TACR1: variants seen among roughly 807,000 people sequenced by gnomAD.
TACR1 encodes the protein tachykinin receptor 1.
A neutral mutation model predicts 35.8 loss-of-function variants in TACR1; 25 were observed. That is an observed-to-expected ratio of 0.70 (90% CI 0.51 to 0.98). The LOEUF (loss-of-function observed/expected upper bound fraction) is 0.98, where lower values mean the gene tolerates loss of function less well. TACR1 is among the 50% of genes least tolerant of loss of function. The pLI is 0.00. For missense variants in TACR1, 478 were observed against 522.9 expected (o/e 0.91, Z 0.84); for synonymous variants, 195 against 206.7 (o/e 0.94, Z 0.48).
intron 1 of TACR1, among the ~76,000 whole-genome samples, chr2:75,174,742 T>A (rs1176097560): frequency 6.6e-6 from 1 of 152,192 alleles, no homozygotes; most frequent in Non-Finnish European, 1.5e-5. Flanking sequence ...GAAAGGAGAA[T>A]CACTTCTATT....
intron 2 of TACR1, among the ~76,000 whole-genome samples, chr2:75,061,872 C>T (rs112668736): frequency 4.6e-5 from 7 of 152,202 alleles, no homozygotes; most frequent in Non-Finnish European, 7.3e-5. Flanking sequence ...CAAATTCTTA[C>T]TGCAGTCTCT....
chr2:75,151,501 C>A (rs1674669247), intron 1 of TACR1, among the ~76,000 whole-genome samples: 1 of 152,192 alleles, frequency 6.6e-6, no homozygotes, highest in South Asian at 2.1e-4. Context: ...GTTGAGCCTG[C>A]AGGTGCACAG....
chr2:75,184,750 T>G (rs899434988), intron 1 of TACR1, among the ~76,000 whole-genome samples: 9 of 151,346 alleles, frequency 5.9e-5, no homozygotes, highest in Non-Finnish European at 1.0e-4. Context: ...TGATATATAT[T>G]AGGTTCTATA....
intron 1 of TACR1, among the ~76,000 whole-genome samples, chr2:75,136,150 C>T (rs1251046090): frequency 6.6e-6 from 1 of 152,190 alleles, no homozygotes; most frequent in African/African-American, 2.4e-5. Flanking sequence ...AACCCAGGCA[C>T]ATCATCTCAC....
chr2:75,140,050 A>G (rs1304721946), intron 1 of TACR1, among the ~76,000 whole-genome samples: 1 of 152,196 alleles, frequency 6.6e-6, no homozygotes, highest in Non-Finnish European at 1.5e-5. Flanking sequence ...AAGCCTCATC[A>G]TATGAAGCAG....
intron 2 of TACR1, among the ~76,000 whole-genome samples, chr2:75,070,055 T>A (rs1040715104): frequency 6.6e-6 from 1 of 152,186 alleles, no homozygotes; most frequent in African/African-American, 2.4e-5. Context: ...CTATTCTATC[T>A]CATTTATTAT....
At position 75,060,849 on chromosome 2, in the gene TACR1, T is replaced by A. The variant is rs114020119; in HGVS notation, c.585-7094A>T. ...TGGATGGATGATATGAGGGGAGAGA[T>A]TCAGGAAGCACTGTGGCTTGGGGGA... On this transcript the variant is annotated intron_variant, in intron 2 of 4. Coordinates refer to ENST00000305249, the MANE Select transcript of TACR1 (RefSeq NM_001058.4). Among the ~76,000 whole-genome samples the A allele has an allele frequency of 7.9e-3, 1,193 of 151,066 alleles. 14 individuals are homozygous for A. Among genetic ancestry groups the A allele is most frequent in the African/African-American group, 0.027 (1,125 of 41,126 alleles).
At chr2:75,068,074 C>G (rs2103809574) in intron 2 of TACR1, among the ~76,000 whole-genome samples, 1 of 152,232 alleles carries the variant, frequency 6.6e-6, no homozygotes, top group East Asian at 1.9e-4. Context: ...AGAAACAGAG[C>G]CAATAGGAGA....
chr2:75,151,089 G>C (rs1394698759), intron 1 of TACR1, among the ~76,000 whole-genome samples: 1 of 152,324 alleles, frequency 6.6e-6, no homozygotes, highest in African/African-American at 2.4e-5. Flanking sequence ...GCTGTTAAAG[G>C]CATTCAGTTT....
At chr2:75,140,126 C>T (rs1405290387) in intron 1 of TACR1, among the ~76,000 whole-genome samples, 1 of 152,150 alleles carries the variant, frequency 6.6e-6, no homozygotes, top group East Asian at 1.9e-4. Context: ...GAAATACTCA[C>T]ATTCATCCAT....
intron 1 of TACR1, among the ~76,000 whole-genome samples, chr2:75,160,362 A>G (rs1199856095): frequency 2.0e-5 from 3 of 152,184 alleles, no homozygotes; most frequent in Non-Finnish European, 4.4e-5. Flanking sequence ...TAACAAATAA[A>G]TCTTTGTTTG....
intron 1 of TACR1, among the ~76,000 whole-genome samples, chr2:75,125,491 T>C (rs1370267407): frequency 6.6e-6 from 1 of 152,144 alleles, no homozygotes; most frequent in East Asian, 1.9e-4. Context: ...GGCCTTTATT[T>C]TTCTAATTGC....
intron 2 of TACR1, among the ~76,000 whole-genome samples, chr2:75,103,358 A>G (rs1436659162): frequency 4.6e-5 from 7 of 152,138 alleles, no homozygotes; most frequent in Non-Finnish European, 1.0e-4. Context: ...CTAGAAACTA[A>G]AAACAAAACA....
At chr2:75,062,455 C>CTTTTGTGTCAATAAGTGTCAAT (rs1672689319) in intron 2 of TACR1, among the ~76,000 whole-genome samples, 1 of 152,166 alleles carries the variant, frequency 6.6e-6, no homozygotes, top group Non-Finnish European at 1.5e-5. Flanking sequence ...ATGTCACAAT[C>CTTTTGTGTCAATAAGTGTCAAT]ATCTTTTTAT....
intron 1 of TACR1, among the ~76,000 whole-genome samples, chr2:75,161,437 A>G (rs1675007371): frequency 6.6e-6 from 1 of 152,116 alleles, no homozygotes; most frequent in Non-Finnish European, 1.5e-5. Flanking sequence ...AAGAAAAGGG[A>G]ATTAGAAATA....
At chr2:75,177,484 A>AT (rs1675453116) in intron 1 of TACR1, among the ~76,000 whole-genome samples, 1 of 152,192 alleles carries the variant, frequency 6.6e-6, no homozygotes, top group Admixed American at 6.5e-5. Context: ...CAAAATGTCT[A>AT]TTTTAAGCCT....
Position 75,199,509 on chromosome 2 carries a change from G to A in TACR1, c.-575C>T, listed in dbSNP as rs200263077. On this transcript the variant is annotated 5_prime_UTR_variant, in exon 1 of 5. Transcript: ENST00000305249. ...GTTTCGCGGGCACCTCTCGGTTCGG[G>A]TTGCTCAGCTCGCGAGTTAGCTGCG... 1 of 158,250 alleles carries A rather than the reference G, an allele frequency of 6.3e-6. No homozygotes were observed. The highest frequency in any genetic ancestry group is 1.4e-5 in the Non-Finnish European group (1 of 71,240). 9.8% of individuals were successfully genotyped at this position (158,250 alleles called of 1,614,324 possible). A position where few individuals can be genotyped will look rare whatever the true frequency, so the allele number is the denominator to read the frequency against.
At chr2:75,155,710 AAG>A (rs1178768901) in intron 1 of TACR1, among the ~76,000 whole-genome samples, 3 of 152,220 alleles carry the variant, frequency 2.0e-5, no homozygotes, top group African/African-American at 7.2e-5. Context: ...TCCACATAAC[AAG>A]AGAGAGAGTT....
At chr2:75,094,422 T>C (rs570251750) in intron 2 of TACR1, among the ~76,000 whole-genome samples, 1 of 152,274 alleles carries the variant, frequency 6.6e-6, no homozygotes, top group East Asian at 1.9e-4. Flanking sequence ...TTCACTGTAG[T>C]CCAGGGACCA....
Sources: allele counts gnomAD v4.1 joint callset (sites outside exome capture counted in the v4.1 genomes callset), GRCh38; gene constraint gnomAD v4.1.1; transcripts MANE v1.5; gene names NCBI Gene and HGNC (gene_info 2026-07-23, HGNC 2026-07-21).